Variants in SLC2A9 observed in about 807,000 individuals in gnomAD.
SLC2A9 encodes solute carrier family 2, facilitated glucose transporter member 9.
SLC2A9 carries 39 observed loss-of-function variants against 50.6 expected under a neutral mutation model. The ratio of observed to expected loss-of-function variants is 0.77; its 90% CI spans 0.60 to 1.01. The LOEUF is 1.01. Ranked by LOEUF, SLC2A9 falls within the 50% of genes least tolerant of loss-of-function variation. SLC2A9 has a pLI of 0.00. For synonymous variants in SLC2A9, 324 were observed against 276.9 expected, an observed-to-expected ratio of 1.17 and a Z score of -1.69; for missense variants, 686 against 677.6, an observed-to-expected ratio of 1.01 and a Z score of -0.14.
At position 9,968,059 on chromosome 4, in the gene SLC2A9, G is replaced by T. The variant is rs114219168; in HGVS notation, c.681+12533C>A. ...AGCAACAAAGTTTTCTTGAAGTAAT[G>T]ATCTGCTTTTAGTAAAATTTACAAG... On this transcript the variant is annotated intron_variant, in intron 5 of 11. Transcript: ENST00000264784. Among the ~76,000 whole-genome samples the T allele has an allele frequency of 4.6e-3, 695 of 152,240 alleles. 9 individuals carry two copies. Among genetic ancestry groups the T allele is most frequent in the African/African-American group, 0.016 (665 of 41,574 alleles).
chr4:9,996,792 C>T lies in SLC2A9; in HGVS notation c.399G>A (p.Lys133=). The T allele has an allele frequency of 1.2e-6, 2 of 1,613,868 alleles. No individual in the cohort carries two copies. The highest frequency in any genetic ancestry group is 1.7e-6 in the Non-Finnish European group (2 of 1,179,824). The change falls in exon 3 of 12, where the codon AAG becomes AAA. Residue 133 remains lysine (K), a synonymous_variant. Coordinates refer to ENST00000264784, the MANE Select transcript of SLC2A9 (RefSeq NM_020041.3). Reference sequence around the variant, plus strand: ...AGCCTCCTACTGACCTCCCAAGAACCTTTCCAATCATCTTCACAATTAACG... The same window carrying T: ...AGCCTCCTACTGACCTCCCAAGAACTTTTCCAATCATCTTCACAATTAACG... The part of the protein sequence containing the change: ...VGTLIVKMIG[K]VLGRKHTLLA...
chr4:9,962,470 G>T (rs6449167), intron 5 of SLC2A9, among the ~76,000 whole-genome samples: 72,756 of 151,492 alleles, frequency 0.48, 18,768 homozygotes, highest in African/African-American at 0.67. Context: ...CACAGAAACA[G>T]AAAACCAAAC....
Position 9,826,379 on chromosome 4 carries a change from C to G in SLC2A9, c.*18G>C. On this transcript the variant is annotated 3_prime_UTR_variant, in exon 12 of 12. Coordinates refer to ENST00000264784, the MANE Select transcript of SLC2A9 (RefSeq NM_020041.3). ...TCCTGTTTTTGACATAATTGTCCAACGTGGAGGAGGAAACTTGTTAAGGCC... is the reference window on the plus strand; with the variant it reads ...TCCTGTTTTTGACATAATTGTCCAAGGTGGAGGAGGAAACTTGTTAAGGCC... 6.2e-7 allele frequency: 1 copy of G among 1,612,988 alleles called. No individual in the cohort carries two copies. Among genetic ancestry groups the G allele is most frequent in the Non-Finnish European group, 8.5e-7 (1 of 1,178,992 alleles).
At chr4:9,782,174 C>T (rs769046341) in intron 3 of SLC2A9, 187 of 1,600,030 alleles carry the variant, frequency 1.2e-4, no homozygotes, top group Non-Finnish European at 1.5e-4. Flanking sequence ...CCTGCTGACC[C>T]TACTCATCAT....
chr4:9,942,375 G>A (rs558707247), intron 5 of SLC2A9, among the ~76,000 whole-genome samples: 1 of 152,208 alleles, frequency 6.6e-6, no homozygotes, highest in Non-Finnish European at 1.5e-5. Context: ...GAGCCTGGGG[G>A]ATCTTAGGGT....
chr4:9,890,768 G>T, intron 8 of SLC2A9, 57 bp from the exon 9 acceptor site: 1 of 1,490,164 alleles, frequency 6.7e-7, no homozygotes, highest in South Asian at 1.2e-5. Context: ...ACCACAACAG[G>T]GGAATGTGGC....
At chr4:9,903,767 CTG>C (rs1299139277) in intron 8 of SLC2A9, among the ~76,000 whole-genome samples, 1 of 148,922 alleles carries the variant, frequency 6.7e-6, no homozygotes, top group African/African-American at 2.5e-5. Flanking sequence ...ACATATGTAA[CTG>C]TATATATATA....
At chr4:9,961,313 A>G (rs1752239094) in intron 5 of SLC2A9, among the ~76,000 whole-genome samples, 1 of 152,216 alleles carries the variant, frequency 6.6e-6, no homozygotes, top group Non-Finnish European at 1.5e-5. Context: ...AAACTATACT[A>G]CAAGGCTACA....
chr4:9,850,567 C>A (rs1183204778), intron 10 of SLC2A9, among the ~76,000 whole-genome samples: 1 of 152,142 alleles, frequency 6.6e-6, no homozygotes, highest in Non-Finnish European at 1.5e-5. Flanking sequence ...TTCCCTGGGA[C>A]CCTCTTCATG....
intron 5 of SLC2A9, among the ~76,000 whole-genome samples, chr4:9,943,893 C>T (rs966445054): frequency 6.6e-6 from 1 of 152,142 alleles, no homozygotes; most frequent in African/African-American, 2.4e-5. Context: ...CTCCTTCCAC[C>T]GCACAGCCGC....
chr4:9,788,827 G>A (rs969969591), intron 3 of SLC2A9, among the ~76,000 whole-genome samples: 7 of 152,246 alleles, frequency 4.6e-5, no homozygotes, highest in South Asian at 4.1e-4. Context: ...TTTTCAACAC[G>A]AGATATGTCA....
At chr4:9,863,049 T>A (rs550568934) in intron 10 of SLC2A9, among the ~76,000 whole-genome samples, 10 of 152,074 alleles carry the variant, frequency 6.6e-5, no homozygotes, top group Non-Finnish European at 1.5e-4. Flanking sequence ...CATGTCTTCT[T>A]GATTGGATTA....
chr4:9,982,167 A>T (rs1185375774), intron 4 of SLC2A9, among the ~76,000 whole-genome samples: 2 of 152,252 alleles, frequency 1.3e-5, no homozygotes, highest in African/African-American at 4.8e-5. Flanking sequence ...GGCGTGAGCC[A>T]CTGCGCCCGG....
intron 8 of SLC2A9, among the ~76,000 whole-genome samples, chr4:9,902,084 C>T (rs1739737934): frequency 1.3e-5 from 2 of 152,222 alleles, no homozygotes; most frequent in Admixed American, 6.5e-5. Flanking sequence ...CTTTCAGCAG[C>T]TTCTTTTGCC....
At chr4:9,850,741 G>C (rs556759327) in intron 10 of SLC2A9, among the ~76,000 whole-genome samples, 2 of 152,210 alleles carry the variant, frequency 1.3e-5, no homozygotes, top group South Asian at 4.1e-4. Context: ...CGCTTTGCTG[G>C]TGCACTGTGA....
rs1020031927 is a variant in SLC2A9, at chr4:10,007,121, T to G, written c.250-10180A>C. Among the ~76,000 whole-genome samples, 3 of 152,262 alleles carry G rather than the reference T, an allele frequency of 2.0e-5. No individual in the cohort carries two copies. In the East Asian group the frequency reaches 5.8e-4, roughly 29 times the overall value. On this transcript the variant is annotated intron_variant, in intron 2 of 11. Transcript: ENST00000264784. ...TGTGATCAGTCATAGCTGTGAGTAC[T>G]ACCGCATTCCTGTGCCAACGCCTGT...
downstream of SLC2A9, among the ~76,000 whole-genome samples, chr4:9,776,714 C>T (rs982078497): frequency 1.3e-5 from 2 of 152,128 alleles, no homozygotes; most frequent in Admixed American, 6.5e-5. Flanking sequence ...TCTGGTGTTT[C>T]CTGTCATCCC....
At chr4:10,026,556 T>A (rs1446459548) in intron 1 of SLC2A9, among the ~76,000 whole-genome samples, 1 of 152,190 alleles carries the variant, frequency 6.6e-6, no homozygotes. Context: ...GAAAAACTTG[T>A]GCACGAATGT....
chr4:9,995,746 T>C (rs1339773602), intron 3 of SLC2A9: 1 of 152,250 alleles, frequency 6.6e-6, no homozygotes, highest in Admixed American at 6.5e-5. Context: ...GGTCTAACTC[T>C]TGTAACATTC....
Sources: gnomAD v4.1 joint callset for allele counts (sites outside exome capture counted in the v4.1 genomes callset) on GRCh38, gnomAD v4.1.1 for gene constraint, MANE v1.5 for transcripts, NCBI Gene and HGNC (gene_info 2026-07-23, HGNC 2026-07-21) for gene names.